SCRN1: variants seen among roughly 807,000 people sequenced by gnomAD.
SCRN1 encodes secernin-1.
SCRN1 carries 19 observed loss-of-function variants against 43.3 expected under a neutral mutation model. The ratio of observed to expected loss-of-function variants is 0.44; its 90% CI spans 0.31 to 0.64. The LOEUF (loss-of-function observed/expected upper bound fraction) is 0.64. Among genes scored for constraint, SCRN1 ranks in the 30% least tolerant of loss-of-function variants. The pLI is 0.09. For missense variants in SCRN1, 447 were observed against 524.1 expected, an observed-to-expected ratio of 0.85 and a Z score of 1.44; for synonymous variants, 183 against 188.9, an observed-to-expected ratio of 0.97 and a Z score of 0.26.
chr7:29,933,780 G>T (rs1210588481), intron 6 of SCRN1, among the ~76,000 whole-genome samples: 1 of 152,194 alleles, frequency 6.6e-6, no homozygotes, highest in Non-Finnish European at 1.5e-5. Context: ...TCAAGGACAA[G>T]ATCTATAATT....
chr7:29,944,662 C>CAAAAAAAAAAAA (rs397729276), intron 3 of SCRN1, among the ~76,000 whole-genome samples: 1 of 77,778 alleles, frequency 1.3e-5, no homozygotes, highest in Non-Finnish European at 2.5e-5. Flanking sequence ...GACCCTGTCT[C>CAAAAAAAAAAAA]AAAAAAAAAA....
intron 7 of SCRN1, 122 bp from the exon 8 acceptor site, chr7:29,924,237 G>A (rs886630585): frequency 1.2e-5 from 11 of 893,730 alleles, no homozygotes; most frequent in African/African-American, 1.7e-5. Flanking sequence ...CCCACACTCC[G>A]TTTCACACAC....
intron 6 of SCRN1, among the ~76,000 whole-genome samples, 182 bp downstream of exon 6, chr7:29,936,374 A>G (rs960618310): frequency 1.8e-4 from 28 of 152,240 alleles, no homozygotes; most frequent in Admixed American, 9.2e-4. Flanking sequence ...CTATGTGACT[A>G]AAACCAAGGA....
intron 6 of SCRN1, among the ~76,000 whole-genome samples, chr7:29,931,002 C>T (rs759093520): frequency 3.9e-5 from 6 of 152,174 alleles, no homozygotes; most frequent in African/African-American, 1.4e-4. Flanking sequence ...TCCCATGACA[C>T]GACGCACAGC....
intron 4 of SCRN1, among the ~76,000 whole-genome samples, chr7:29,942,197 C>G (rs2128090280): frequency 6.6e-6 from 1 of 152,284 alleles, no homozygotes; most frequent in Non-Finnish European, 1.5e-5. Context: ...CTCTTGTAAG[C>G]AACTCTACAG....
At position 29,950,871 on chromosome 7, in the gene SCRN1, A is replaced by G. The variant is rs765672757; in HGVS notation, c.341+4308T>C. ...CCCCTGAGAGCTGTTCTGTCACTCA[A>G]TGAAGCTCCTCACCACCTTGCTCAC... On this transcript the variant is annotated intron_variant, in intron 3 of 7. Transcript: ENST00000242059. This position sits in a 1 kb window ranked among gnomAD's most constrained non-coding sequence, Gnocchi z 4.5. 8.5e-5 allele frequency among the ~76,000 whole-genome samples: 13 copies of G among 152,320 alleles called. No individual in the cohort carries two copies. Among genetic ancestry groups the G allele is most frequent in the South Asian group, 2.1e-4 (1 of 4,826 alleles).
chr7:29,981,933 G>A (rs1789003545), intron 1 of SCRN1, among the ~76,000 whole-genome samples: 1 of 152,126 alleles, frequency 6.6e-6, no homozygotes, highest in African/African-American at 2.4e-5. Flanking sequence ...TGGGAGTGAG[G>A]GTAGAAAGGA....
chr7:29,944,359 ATGTT>A (rs1404965654), intron 3 of SCRN1, among the ~76,000 whole-genome samples, 180 bp from the exon 4 acceptor site: 1 of 152,122 alleles, frequency 6.6e-6, no homozygotes, highest in Non-Finnish European at 1.5e-5. Flanking sequence ...CACTTCTCAC[ATGTT>A]TGCTTAAAAA....
intron 3 of SCRN1, among the ~76,000 whole-genome samples, chr7:29,949,644 T>C (rs1235508495): frequency 6.8e-6 from 1 of 147,978 alleles, no homozygotes; most frequent in East Asian, 2.1e-4. Flanking sequence ...CCCAGAGTGC[T>C]AAGATTATGG....
intron 3 of SCRN1, among the ~76,000 whole-genome samples, chr7:29,954,615 G>C (rs1788068711): frequency 6.6e-6 from 1 of 152,160 alleles, no homozygotes; most frequent in Non-Finnish European, 1.5e-5. Flanking sequence ...GACCTTTTGT[G>C]TCTGGCTTCT....
At chr7:29,926,061 T>C (rs1265537633) in intron 7 of SCRN1, among the ~76,000 whole-genome samples, 2 of 152,208 alleles carry the variant, frequency 1.3e-5, no homozygotes, top group Non-Finnish European at 2.9e-5. Context: ...TATGATTGTA[T>C]CTTTAATAAA....
At chr7:29,924,140 G>C in intron 7 of SCRN1, 25 bp from the exon 8 acceptor site, 6 of 1,595,408 alleles carry the variant, frequency 3.8e-6, no homozygotes, top group Non-Finnish European at 5.1e-6. Flanking sequence ...GACTGCTTTA[G>C]GTGTCAGCAA....
At chr7:29,955,046 A>C in intron 3 of SCRN1, 133 bp downstream of exon 3, 1 of 726,144 alleles carries the variant, frequency 1.4e-6, no homozygotes. Context: ...CATCATCTTA[A>C]AGTTTCTATC....
intron 6 of SCRN1, among the ~76,000 whole-genome samples, chr7:29,933,132 G>A (rs978053828): frequency 6.6e-6 from 1 of 151,984 alleles, no homozygotes; most frequent in African/African-American, 2.4e-5. Flanking sequence ...CACCCACCTT[G>A]ACCTCCCAAA....
chr7:29,946,348 A>G (rs1345428852), intron 3 of SCRN1, among the ~76,000 whole-genome samples: 1 of 152,214 alleles, frequency 6.6e-6, no homozygotes, highest in East Asian at 1.9e-4. Flanking sequence ...CACGTTGTAC[A>G]CACTCGAAGG....
At position 29,944,007 on chromosome 7, in the gene SCRN1, C is replaced by T; in HGVS notation, c.514G>A (p.Gly172Arg). Residue 172 changes from glycine (G) to arginine (R), a missense_variant, in exon 4 of 8, where the codon GGG becomes AGG. Gly to Arg is a moderately radical substitution (Grantham distance 125). Coordinates refer to ENST00000242059, the MANE Select transcript of SCRN1 (RefSeq NM_014766.5). The part of the protein sequence containing the change: ...RDEAWVLETI[G>R]KYWAAEKVTE... ...ACTTTCTCGGCAGCCCAGTACTTCC[C>T]TATGGTCTCGAGCACCCAGGCTTCA... 1 of 1,614,230 alleles carries T rather than the reference C, an allele frequency of 6.2e-7. No homozygotes were observed. The highest frequency in any genetic ancestry group is 8.5e-7 in the Non-Finnish European group (1 of 1,180,042).
chr7:29,925,593 G>A (rs1786918364), intron 7 of SCRN1, among the ~76,000 whole-genome samples: 1 of 152,154 alleles, frequency 6.6e-6, no homozygotes, highest in Non-Finnish European at 1.5e-5. Context: ...GGACACACTG[G>A]GTGCTGTGGA....
At chr7:29,937,237 T>C (rs1326749831) in intron 5 of SCRN1, among the ~76,000 whole-genome samples, 2 of 152,210 alleles carry the variant, frequency 1.3e-5, no homozygotes, top group Non-Finnish European at 2.9e-5. Flanking sequence ...GTGATAAATG[T>C]TGATCAACAG....
chr7:29,989,053 C>T (rs1583707955), intron 1 of SCRN1: 1 of 152,140 alleles, frequency 6.6e-6, no homozygotes, highest in East Asian at 1.9e-4. Flanking sequence ...TCAAGTCCCA[C>T]GCGCGGCCCG....
Sources: gnomAD v4.1 joint callset for allele counts (sites outside exome capture counted in the v4.1 genomes callset) on GRCh38, gnomAD v4.1.1 for gene constraint, Gnocchi (gnomAD v3.1) non-coding constraint, MANE v1.5 for transcripts, NCBI Gene and HGNC (gene_info 2026-07-23, HGNC 2026-07-21) for gene names.